Variants in LAPTM5 observed in about 807,000 individuals in gnomAD.
LAPTM5 encodes lysosomal-associated transmembrane protein 5.
A neutral mutation model predicts 30.1 loss-of-function variants in LAPTM5; 11 were observed. The observed-to-expected ratio is 0.37, with a 90% confidence interval of 0.23 to 0.60. The LOEUF is 0.60. LAPTM5 is among the 20% of genes least tolerant of loss of function. The pLI is 0.71. For synonymous variants in LAPTM5, 151 were observed against 137.9 expected, an observed-to-expected ratio of 1.10 and a Z score of -0.67; for missense variants, 324 against 332.5, an observed-to-expected ratio of 0.97 and a Z score of 0.20.
intron 1 of LAPTM5, among the ~76,000 whole-genome samples, chr1:30,751,696 G>A (rs568152899): frequency 1.3e-5 from 2 of 151,918 alleles, no homozygotes; most frequent in Non-Finnish European, 2.9e-5. Flanking sequence ...CCAGGATCAC[G>A]CCACTGCACT....
At chr1:30,735,133 G>A in intron 7 of LAPTM5, 40 bp downstream of exon 7, 1 of 1,437,948 alleles carries the variant, frequency 7.0e-7, no homozygotes, top group Non-Finnish European at 9.8e-7. Flanking sequence ...GGCACAGGGA[G>A]TTAGTGACAG....
intron 1 of LAPTM5, among the ~76,000 whole-genome samples, chr1:30,750,182 G>A (rs1391063168): frequency 1.3e-5 from 2 of 152,194 alleles, no homozygotes; most frequent in Non-Finnish European, 2.9e-5. Flanking sequence ...GCCAGTGGGG[G>A]GCTCAGAGTT....
rs1431910532 is a variant in LAPTM5 at position 30,733,719 on chromosome 1, C to T, written c.*109G>A. 1 of 1,530,884 alleles carries T rather than the reference C, an allele frequency of 6.5e-7. No homozygotes were observed. The highest frequency in any genetic ancestry group is 1.4e-5 in the African/African-American group (1 of 72,644). The allele number at this position is 1,530,884 out of a possible 1,614,324, so 94.8% of individuals were successfully genotyped here. ...GGGAGACACAAGCAGATTGTCCTGCCAGGGAGGGGCGGGAGGGCCCACCCA... is the reference window on the plus strand; with the variant it reads ...GGGAGACACAAGCAGATTGTCCTGCTAGGGAGGGGCGGGAGGGCCCACCCA... On this transcript the variant is annotated 3_prime_UTR_variant, in exon 8 of 8. Transcript: ENST00000294507.
chr1:30,737,957 C>G (rs1344317718), intron 5 of LAPTM5, among the ~76,000 whole-genome samples: 1 of 152,172 alleles, frequency 6.6e-6, no homozygotes, highest in Non-Finnish European at 1.5e-5. Flanking sequence ...CCGGCCCATC[C>G]CCAGCTGGCA....
intron 1 of LAPTM5, among the ~76,000 whole-genome samples, chr1:30,743,140 T>C (rs1210717356): frequency 1.3e-5 from 2 of 152,176 alleles, no homozygotes; most frequent in African/African-American, 4.8e-5. Flanking sequence ...ATCTTCCTCA[T>C]AGGATTGTGG....
At chr1:30,750,137 C>T (rs1057061536) in intron 1 of LAPTM5, among the ~76,000 whole-genome samples, 1 of 152,100 alleles carries the variant, frequency 6.6e-6, no homozygotes, top group Non-Finnish European at 1.5e-5. Context: ...GATATTCTGG[C>T]TGGTGGTAGC....
In LAPTM5 at chr1:30,752,151, G is replaced by A. The variant is rs115707811; in HGVS notation, c.87+5508C>T. On this transcript the variant is annotated intron_variant, in intron 1 of 7. Coordinates refer to ENST00000294507, the MANE Select transcript of LAPTM5 (RefSeq NM_006762.3). The stretch of plus-strand genomic sequence containing the variant: ...GACAGACACACCACCCCAGCCATGG[G>A]GCAGGGAAGGAACTCATTTGCCCAC... Among the ~76,000 whole-genome samples, 1,295 of 152,296 alleles carry A rather than the reference G, an allele frequency of 8.5e-3. 22 individuals are homozygous for A. The highest frequency in any genetic ancestry group is 0.03 in the African/African-American group (1,244 of 41,566).
Position 30,746,620 on chromosome 1 carries a change from C to T in LAPTM5, c.88-4071G>A, listed in dbSNP as rs1295392874. On this transcript the variant is annotated intron_variant, in intron 1 of 7. Transcript: ENST00000294507. This position sits in a 1 kb window ranked among gnomAD's most constrained non-coding sequence, Gnocchi z 4.0. Reference sequence around the variant, plus strand: ...AATGCGCAGGCAGACAGCATGCCCTCACCCACTTGCTCCCCAATTACAGCA... The same window carrying T: ...AATGCGCAGGCAGACAGCATGCCCTTACCCACTTGCTCCCCAATTACAGCA... Among the ~76,000 whole-genome samples the T allele has an allele frequency of 2.0e-5, 3 of 152,208 alleles. No individual in the cohort carries two copies. The highest frequency in any genetic ancestry group is 2.0e-4 in the Admixed American group (3 of 15,286).
At chr1:30,753,174 C>T (rs1412752349) in intron 1 of LAPTM5, among the ~76,000 whole-genome samples, 1 of 151,848 alleles carries the variant, frequency 6.6e-6, no homozygotes, top group Non-Finnish European at 1.5e-5. Flanking sequence ...AGTAAAGATC[C>T]CTGGGTCCCT....
chr1:30,755,103 C>T (rs968282535), intron 1 of LAPTM5, among the ~76,000 whole-genome samples: 3 of 152,236 alleles, frequency 2.0e-5, no homozygotes, highest in East Asian at 1.9e-4. Flanking sequence ...CAACCTGGGC[C>T]GAGCGCACAG....
rs989400713 is a variant in LAPTM5 at position 30,733,805 on chromosome 1, C to G, written c.*23G>C. ...TGAGGCAGCTCCACCCCTCCCAGCACTGGGGCTGGGGCCTGGCGAGGGTCA... is the reference window on the plus strand; with the variant it reads ...TGAGGCAGCTCCACCCCTCCCAGCAGTGGGGCTGGGGCCTGGCGAGGGTCA... On this transcript the variant is annotated 3_prime_UTR_variant, in exon 8 of 8. Coordinates refer to ENST00000294507, the MANE Select transcript of LAPTM5 (RefSeq NM_006762.3). 2.5e-6 allele frequency: 4 copies of G among 1,597,140 alleles called. No homozygotes were observed. In the African/African-American group the frequency reaches 5.4e-5, roughly 22 times the overall value.
intron 3 of LAPTM5, 151 bp from the exon 4 acceptor site, chr1:30,740,088 T>C (rs902884981): frequency 1.2e-6 from 1 of 837,554 alleles, no homozygotes; most frequent in Non-Finnish European, 1.7e-6. Context: ...AGTGACACTC[T>C]GGGGACAGGG....
At chr1:30,757,413 T>C (rs1161629816) in intron 1 of LAPTM5, among the ~76,000 whole-genome samples, 1 of 152,162 alleles carries the variant, frequency 6.6e-6, no homozygotes. Flanking sequence ...TCAGTTACAT[T>C]TGCCTGGAAA....
chr1:30,741,804 T>C, intron 2 of LAPTM5, 88 bp from the exon 3 acceptor site: 1 of 925,982 alleles, frequency 1.1e-6, no homozygotes, highest in Non-Finnish European at 1.6e-6. Context: ...GAACCACTGG[T>C]TTGGGGACAT....
chr1:30,742,291 T>C, intron 2 of LAPTM5, 165 bp downstream of exon 2: 1 of 604,612 alleles, frequency 1.7e-6, no homozygotes, highest in South Asian at 1.9e-5. Flanking sequence ...ACATCCCCAT[T>C]TGCGGATGAA....
chr1:30,741,845 C>A, intron 2 of LAPTM5, 129 bp from the exon 3 acceptor site: 1 of 592,570 alleles, frequency 1.7e-6, no homozygotes, highest in South Asian at 2.1e-5. Flanking sequence ...AGGCCCTGCC[C>A]TCTTGCAGTC....
In LAPTM5 at chr1:30,739,051, C is replaced by G; in HGVS notation, c.399G>C (p.Lys133Asn). 6.3e-7 allele frequency: 1 copy of G among 1,595,392 alleles called. No individual in the cohort carries two copies. Among genetic ancestry groups the G allele is most frequent in the Admixed American group, 1.8e-5 (1 of 56,994 alleles). The change falls in exon 5 of 8, where the codon AAG becomes AAC. Residue 133 changes from lysine (K) to asparagine (N), a missense_variant. Transcript: ENST00000294507. This position sits in a 1 kb window ranked among gnomAD's most constrained non-coding sequence, Gnocchi z 4.2. ...GCAGCTGCAGCGTCATCAGGGGGAA[C>G]TTGGAGGAGCTCTGGGGAGGACAAA... ...LASRSRASSS[K>N]FPLMTLQLLD...
Position 30,740,952 on chromosome 1 carries a change from C to A in LAPTM5, c.258+688G>T, listed in dbSNP as rs938806856. ...GGACCCTCTTTCTGGATCCTACTCC[C>A]ATGGCTATGTGGTGAGGCCCTGGCT... On this transcript the variant is annotated intron_variant, in intron 3 of 7. Transcript: ENST00000294507. Among the ~76,000 whole-genome samples, 27 of 152,366 alleles carry A rather than the reference C, an allele frequency of 1.8e-4. No individual in the cohort carries two copies. In the Middle Eastern group the frequency reaches 0.01, roughly 58 times the overall value.
intron 6 of LAPTM5, 35 bp from the exon 7 acceptor site, chr1:30,735,300 G>GGAGCGTGAGAAGGACGCTC: frequency 6.3e-7 from 1 of 1,575,930 alleles, no homozygotes; most frequent in Non-Finnish European, 8.7e-7. Flanking sequence ...GTGCTTTGCT[G>GGAGCGTGAGAAGGACGCTC]AGCGTCCTTC....
Sources: allele counts gnomAD v4.1 joint callset (sites outside exome capture counted in the v4.1 genomes callset), GRCh38; gene constraint gnomAD v4.1.1; non-coding constraint Gnocchi (gnomAD v3.1); transcripts MANE v1.5; gene names NCBI Gene and HGNC (gene_info 2026-07-23, HGNC 2026-07-21).